The following HMGCLL1 variants were observed in gnomAD, a reference collection of about 807,000 sequenced individuals.
The protein encoded by HMGCLL1 is 3-hydroxy-3-methylglutaryl-CoA lyase like 1.
Under a neutral mutation model 39.1 loss-of-function variants are expected in HMGCLL1, and 36 were observed. The ratio of observed to expected loss-of-function variants is 0.92; its 90% CI spans 0.71 to 1.22. The LOEUF (loss-of-function observed/expected upper bound fraction) is 1.22. HMGCLL1 is among the 50% of genes most tolerant of loss of function. The pLI is 0.00. For missense variants in HMGCLL1, 451 were observed against 416.5 expected, an observed-to-expected ratio of 1.08 and a Z score of -0.72; for synonymous variants, 149 against 144.0, an observed-to-expected ratio of 1.03 and a Z score of -0.25.
chr6:55,516,725 A>T (rs998138609), intron 3 of HMGCLL1, 122 bp from the exon 4 acceptor site: 15 of 467,622 alleles, frequency 3.2e-5, no homozygotes, highest in South Asian at 9.7e-5. Context: ...TATCTGAAAT[A>T]AAAAAAAATG....
intron 7 of HMGCLL1, among the ~76,000 whole-genome samples, chr6:55,463,601 A>T (rs895899362): frequency 6.6e-6 from 1 of 152,126 alleles, no homozygotes; most frequent in African/African-American, 2.4e-5. Context: ...TACAAATATA[A>T]CATTTTTGGC....
the HMGCLL1 span, among the ~76,000 whole-genome samples, chr6:55,611,786 G>A: frequency 9.9e-5 from 15 of 152,168 alleles, no homozygotes; most frequent in African/African-American, 3.1e-4. Flanking sequence ...CAATAAACTA[G>A]GTATGATTGA....
At chr6:55,553,847 T>G (rs1485090615) in intron 1 of HMGCLL1, among the ~76,000 whole-genome samples, 6 of 152,206 alleles carry the variant, frequency 3.9e-5, no homozygotes, top group African/African-American at 1.4e-4. Flanking sequence ...GCAGATTACC[T>G]TACACAGCTC....
At chr6:55,564,436 A>C (rs1361537637) in intron 1 of HMGCLL1, among the ~76,000 whole-genome samples, 1 of 152,050 alleles carries the variant, frequency 6.6e-6, no homozygotes, top group Non-Finnish European at 1.5e-5. Flanking sequence ...ACATGTGCAC[A>C]ATGTGCAGGT....
chr6:55,531,786 A>G (rs1581906991), intron 3 of HMGCLL1, among the ~76,000 whole-genome samples: 2 of 152,130 alleles, frequency 1.3e-5, no homozygotes, highest in Non-Finnish European at 2.9e-5. Flanking sequence ...ATAGGAGTGC[A>G]TGCAAGGGAT....
intron 5 of HMGCLL1, among the ~76,000 whole-genome samples, chr6:55,503,207 T>C (rs924064987): frequency 2.0e-5 from 3 of 151,854 alleles, no homozygotes; most frequent in Admixed American, 6.6e-5. Flanking sequence ...AATTTCTTAA[T>C]TTGGGTTTCC....
chr6:55,557,367 T>C (rs1561961526), intron 1 of HMGCLL1, among the ~76,000 whole-genome samples: 1 of 152,086 alleles, frequency 6.6e-6, no homozygotes, highest in African/African-American at 2.4e-5. Context: ...TCTGGTTGCC[T>C]GGCAGCGCGT....
chr6:55,537,922 A>G (rs1769123877), intron 3 of HMGCLL1, among the ~76,000 whole-genome samples: 1 of 152,124 alleles, frequency 6.6e-6, no homozygotes, highest in African/African-American at 2.4e-5. Flanking sequence ...AAATCATATC[A>G]TTTTATAGTC....
At chr6:55,660,732 C>T in the HMGCLL1 span, among the ~76,000 whole-genome samples, 1 of 151,788 alleles carries the variant, frequency 6.6e-6, no homozygotes, top group East Asian at 1.9e-4. Context: ...GGTATATAAC[C>T]TGTAATGGGA....
the HMGCLL1 span, among the ~76,000 whole-genome samples, chr6:55,588,443 G>A: frequency 6.6e-6 from 1 of 151,800 alleles, no homozygotes; most frequent in Non-Finnish European, 1.5e-5. Flanking sequence ...ATGCCCACAA[G>A]AGAAAGCAGG....
intron 7 of HMGCLL1, among the ~76,000 whole-genome samples, chr6:55,483,135 G>A (rs1765829986): frequency 6.6e-6 from 1 of 152,080 alleles, no homozygotes; most frequent in Non-Finnish European, 1.5e-5. Context: ...TCGATGGGAT[G>A]ACTGAATATT....
intron 7 of HMGCLL1, among the ~76,000 whole-genome samples, chr6:55,471,770 G>A (rs895424070): frequency 6.6e-6 from 1 of 151,424 alleles, no homozygotes; most frequent in African/African-American, 2.4e-5. Flanking sequence ...TGTTCACAAA[G>A]TTAAAACACC....
intron 5 of HMGCLL1, among the ~76,000 whole-genome samples, chr6:55,502,555 A>G (rs1208628826): frequency 6.6e-6 from 1 of 151,698 alleles, no homozygotes; most frequent in African/African-American, 2.4e-5. Flanking sequence ...TCAAATCTTA[A>G]TTGCAGGCTA....
chr6:55,586,145 T>A, the HMGCLL1 span, among the ~76,000 whole-genome samples: 12 of 151,994 alleles, frequency 7.9e-5, no homozygotes, highest in South Asian at 2.1e-4. Context: ...ATAATGTTGC[T>A]TAACTAACTA....
chr6:55,550,538 A>G (rs888520133), intron 1 of HMGCLL1, among the ~76,000 whole-genome samples: 4 of 151,852 alleles, frequency 2.6e-5, no homozygotes, highest in Non-Finnish European at 5.9e-5. Context: ...CGTCCCGCAA[A>G]CAAATCCTTG....
chr6:55,577,087 A>G, intron 1 of HMGCLL1: 1 of 1,613,678 alleles, frequency 6.2e-7, no homozygotes, highest in Non-Finnish European at 8.5e-7. Flanking sequence ...CCCAGTGGAT[A>G]CAAGCCACCG....
At chr6:55,486,741 C>T (rs1766052315) in intron 7 of HMGCLL1, among the ~76,000 whole-genome samples, 1 of 152,042 alleles carries the variant, frequency 6.6e-6, no homozygotes, top group South Asian at 2.1e-4. Context: ...CCTTATCTCC[C>T]CCCTTGTCAG....
At chr6:55,444,859 T>C (rs1763746032) in intron 7 of HMGCLL1, among the ~76,000 whole-genome samples, 3 of 152,016 alleles carry the variant, frequency 2.0e-5, no homozygotes, top group Admixed American at 2.0e-4. Flanking sequence ...CTTTCTAGGA[T>C]CTAAGACTAC....
upstream of HMGCLL1, among the ~76,000 whole-genome samples, chr6:55,583,487 T>TTTCCAA (rs1449792063): frequency 2.6e-5 from 4 of 152,084 alleles, no homozygotes; most frequent in African/African-American, 9.7e-5. Flanking sequence ...AGAATGATGA[T>TTTCCAA]TTCCAATTTC....
Sources: allele counts gnomAD v4.1 joint callset (sites outside exome capture counted in the v4.1 genomes callset), GRCh38; gene constraint gnomAD v4.1.1; transcripts MANE v1.5; gene names NCBI Gene and HGNC (gene_info 2026-07-23, HGNC 2026-07-21).